The following LRRC42 variants were observed in gnomAD, a reference collection of about 807,000 sequenced individuals.
LRRC42 encodes the protein leucine-rich repeat-containing protein 42.
In LRRC42, 43 loss-of-function variants were observed where a neutral mutation model predicts 44.3. The observed-to-expected ratio is 0.97, with a 90% CI of 0.76 to 1.25. The LOEUF (loss-of-function observed/expected upper bound fraction) is 1.25, where lower values mean the gene tolerates loss of function less well. LRRC42 is among the 50% of genes most tolerant of loss of function. The probability of loss-of-function intolerance (pLI) is 0.00; values close to 1 mark genes in which losing one functional copy is unlikely to be tolerated. For missense variants in LRRC42, 540 were observed against 509.1 expected (o/e 1.06, Z -0.58); for synonymous variants, 207 against 195.2 (o/e 1.06, Z -0.50).
In LRRC42 at chr1:53,966,372, A is replaced by G. The variant is rs1655129472; in HGVS notation, c.1004A>G (p.Gln335Arg). Residue 335 changes from glutamine to arginine, a missense_variant, in exon 8 of 9, where the codon CAG becomes CGG. Coordinates refer to ENST00000371370, the MANE Select transcript of LRRC42 (RefSeq NM_001256409.2). ...RETSEPRAAA[Q>R]RFYGKRSRAE... ...ACCTCGGAGCCTAGAGCAGCAGCTC[A>G]GCGCTTCTGTGAGAAATTCCCTTTC... 2 of 1,609,822 alleles carry G rather than the reference A, an allele frequency of 1.2e-6. No homozygotes were observed. Among genetic ancestry groups the G allele is most frequent in the South Asian group, 1.1e-5 (1 of 90,994 alleles).
Position 53,962,016 on chromosome 1 carries a change from G to A in LRRC42, c.725-18G>A, listed in dbSNP as rs764447855. 43 of 1,571,044 alleles carry A rather than the reference G, an allele frequency of 2.7e-5. No individual in the cohort carries two copies. The highest frequency in any genetic ancestry group is 3.3e-5 in the Non-Finnish European group (38 of 1,146,456). On this transcript the variant is annotated intron_variant, in intron 5 of 8. Coordinates refer to ENST00000371370, the MANE Select transcript of LRRC42 (RefSeq NM_001256409.2). ...CATTTATATTGTGACAGAATGCTAC[G>A]TTGTTTTTGACATCTAGGTAACCCT...
chr1:53,951,526 G>A (rs1184082870), intron 2 of LRRC42, among the ~76,000 whole-genome samples: 1 of 152,172 alleles, frequency 6.6e-6, no homozygotes, highest in Admixed American at 6.5e-5. Context: ...CCGGGTTCAA[G>A]CGATTCTCTT....
chr1:53,951,180 G>A (rs1403508125), intron 2 of LRRC42, among the ~76,000 whole-genome samples: 1 of 152,198 alleles, frequency 6.6e-6, no homozygotes, highest in Non-Finnish European at 1.5e-5. Context: ...TTTATTTCTA[G>A]TCTTTTTTCT....
chr1:53,957,781 T>C (rs1460266972), intron 3 of LRRC42, among the ~76,000 whole-genome samples: 1 of 152,218 alleles, frequency 6.6e-6, no homozygotes, highest in East Asian at 1.9e-4. Context: ...TTTAAAAGAA[T>C]TAGTAATTAA....
intron 2 of LRRC42, among the ~76,000 whole-genome samples, chr1:53,949,734 T>G (rs1654621151): frequency 6.6e-6 from 1 of 152,154 alleles, no homozygotes; most frequent in Non-Finnish European, 1.5e-5. Flanking sequence ...TTTCCCCTGT[T>G]TTTTAGTTTA....
chr1:53,957,104 A>G (rs1236735184), intron 3 of LRRC42, among the ~76,000 whole-genome samples: 3 of 152,196 alleles, frequency 2.0e-5, no homozygotes, highest in South Asian at 4.1e-4. Context: ...GGTTGGAAGT[A>G]GGAAGAAAAG....
chr1:53,966,404 A>C, intron 8 of LRRC42, 24 bp downstream of exon 8: 1 of 1,580,018 alleles, frequency 6.3e-7, no homozygotes, highest in Non-Finnish European at 8.7e-7. Context: ...TTTCCTTTGA[A>C]GTTTTTTGCC....
At chr1:53,955,245 T>C (rs1336514732) in intron 3 of LRRC42, among the ~76,000 whole-genome samples, 1 of 152,196 alleles carries the variant, frequency 6.6e-6, no homozygotes, top group Admixed American at 6.5e-5. Flanking sequence ...TGATACATTA[T>C]CAGAAAATGT....
Position 53,967,774 on chromosome 1 carries a change from T to C in LRRC42, c.1122T>C (p.His374=), listed in dbSNP as rs1369391095. 2 of 1,614,168 alleles carry C rather than the reference T, an allele frequency of 1.2e-6. No individual in the cohort carries two copies. The highest frequency in any genetic ancestry group is 1.1e-5 in the South Asian group (1 of 91,076). ...ATAAAGAGAAAGCCCCAGATTGCCA[T>C]GGGCCAGTGTTGAAACACGAAGCTA... The part of the protein sequence containing the change: ...QFYKEKAPDC[H]GPVLKHEAIS... Residue 374 remains histidine (H), a synonymous_variant, in exon 9 of 9, where the codon CAT becomes CAC. Transcript: ENST00000371370.
chr1:53,966,353 G>A lies in LRRC42; in HGVS notation c.985G>A (p.Glu329Lys), dbSNP rs1199582841. 1.2e-6 allele frequency: 2 copies of A among 1,613,764 alleles called. No homozygotes were observed. The highest frequency in any genetic ancestry group is 3.3e-5 in the Admixed American group (2 of 60,006). ...AGCTGTGAAGCCACGGGAGACCTCG[G>A]AGCCTAGAGCAGCAGCTCAGCGCTT... ...AEAVKPRETS[E>K]PRAAAQRFYG... Residue 329 changes from glutamate to lysine, a missense_variant, in exon 8 of 9, where the codon GAG becomes AAG. Physicochemically the swap from Glu to Lys is moderately conservative, Grantham distance 56. Coordinates refer to ENST00000371370, the MANE Select transcript of LRRC42 (RefSeq NM_001256409.2).
rs1654453817 is a variant in LRRC42, at chr1:53,946,422, A to C, written c.-176A>C. 1.3e-5 allele frequency: 2 copies of C among 149,268 alleles called. No homozygotes were observed. Among genetic ancestry groups the C allele is most frequent in the Non-Finnish European group, 3.0e-5 (2 of 66,994 alleles). 9.2% of individuals were successfully genotyped at this position (149,268 alleles called of 1,614,324 possible). On this transcript the variant is annotated 5_prime_UTR_variant, in exon 1 of 9. Coordinates refer to ENST00000371370, the MANE Select transcript of LRRC42 (RefSeq NM_001256409.2). ...TGCCCCCAGCCCCCTCCCTCCTCCC[A>C]CCTTCACTGTGTCCCACCCTTCCTA...
intron 7 of LRRC42, 26 bp from the exon 8 acceptor site, chr1:53,966,270 T>C: frequency 3.2e-6 from 5 of 1,584,040 alleles, no homozygotes; most frequent in Non-Finnish European, 4.3e-6. Context: ...TTTGTTTGGA[T>C]TCAAATCTTT....
chr1:53,967,666 T>TG lies in LRRC42; in HGVS notation c.1017dup (p.Lys340GlufsTer28), dbSNP rs1211354634. On this transcript the variant is annotated frameshift_variant and splice_region_variant, in exon 9 of 9. Coordinates refer to ENST00000371370, the MANE Select transcript of LRRC42 (RefSeq NM_001256409.2). LOFTEE classifies it high-confidence loss of function. ...CATCATCCCTCCCTTCTGTCACAGA[T>TG]GGGAAGCGGTCTCGAGCAGAAGCCC... The TG allele has an allele frequency of 1.9e-6, 3 of 1,612,878 alleles. No homozygotes were observed. Among genetic ancestry groups the TG allele is most frequent in the Admixed American group, 3.3e-5 (2 of 59,962 alleles).
chr1:53,961,953 C>T (rs1655004891), intron 5 of LRRC42, 81 bp from the exon 6 acceptor site: 25 of 1,012,698 alleles, frequency 2.5e-5, no homozygotes, highest in South Asian at 1.5e-4. Flanking sequence ...ATTGCCCGGA[C>T]GTTTTTCTGA....
intron 2 of LRRC42, 75 bp from the exon 3 acceptor site, chr1:53,951,911 G>A: frequency 8.4e-7 from 1 of 1,192,868 alleles, no homozygotes; most frequent in South Asian, 1.5e-5. Context: ...TAAAGCCCTG[G>A]GCACAGCAAG....
At chr1:53,960,189 C>G (rs918486596) in intron 4 of LRRC42, among the ~76,000 whole-genome samples, 167 bp from the exon 5 acceptor site, 1 of 152,176 alleles carries the variant, frequency 6.6e-6, no homozygotes, top group Admixed American at 6.5e-5. Context: ...CATGAGCCAC[C>G]ATGCCCAGCC....
rs1168548170 is a variant in LRRC42 at position 53,958,145 on chromosome 1, G to A, written c.474-4G>A. On this transcript the variant is annotated splice_region_variant and splice_polypyrimidine_tract_variant and intron_variant, in intron 3 of 8. Coordinates refer to ENST00000371370, the MANE Select transcript of LRRC42 (RefSeq NM_001256409.2). ...AGCTATTGATTGCTCTCCACGCTCC[G>A]TAGGTATCTCGTGATTTCAGAAAAG... 8.1e-6 allele frequency: 13 copies of A among 1,613,354 alleles called. No homozygotes were observed. The highest frequency in any genetic ancestry group is 4.0e-5 in the African/African-American group (3 of 74,906).
chr1:53,959,058 CT>C (rs1332980995), intron 4 of LRRC42, among the ~76,000 whole-genome samples: 20 of 151,840 alleles, frequency 1.3e-4, no homozygotes, highest in African/African-American at 4.1e-4. Context: ...AATTTTTGTA[CT>C]TTTAGTAGAG....
rs796799920 is a variant in LRRC42, at chr1:53,964,997, TG to T, written c.928-1298del. Among the ~76,000 whole-genome samples the T allele has an allele frequency of 8.7e-3, 1,169 of 134,828 alleles. 28 individuals carry two copies. The highest frequency in any genetic ancestry group is 0.036 in the African/African-American group (1,070 of 29,498). The allele number at this position is 134,828 out of a possible 152,430, so 88.5% of individuals were successfully genotyped here. ...CACTGTGCCTGGCCTGGAACTGTAT[TG>T]TTTTTTTTTGTTTTTTTTTTTTTTG... On this transcript the variant is annotated intron_variant, in intron 7 of 8. Transcript: ENST00000371370.
Sources: allele counts gnomAD v4.1 joint callset (sites outside exome capture counted in the v4.1 genomes callset), GRCh38; gene constraint gnomAD v4.1.1; transcripts MANE v1.5; gene names NCBI Gene and HGNC (gene_info 2026-07-23, HGNC 2026-07-21).